The following CCSER1 variants were observed in gnomAD, a reference collection of about 807,000 sequenced individuals.
CCSER1 encodes serine-rich coiled-coil domain-containing protein 1.
Under a neutral mutation model 82.0 loss-of-function variants are expected in CCSER1, and 41 were observed. The observed-to-expected ratio is 0.50, with a 90% CI of 0.39 to 0.65. CCSER1 has a LOEUF of 0.65. CCSER1 is among the 30% of genes least tolerant of loss of function. The pLI, the probability that CCSER1 is intolerant of heterozygous loss-of-function variation, is 0.00. For missense variants in CCSER1, 1,119 were observed against 1,064.2 expected, an observed-to-expected ratio of 1.05 and a Z score of -0.72; for synonymous variants, 414 against 383.9, an observed-to-expected ratio of 1.08 and a Z score of -0.92.
intron 10 of CCSER1, among the ~76,000 whole-genome samples, chr4:91,181,322 C>T (rs1429915930): frequency 1.3e-5 from 2 of 152,202 alleles, no homozygotes; most frequent in African/African-American, 4.8e-5. Context: ...AAAGCACAAT[C>T]ATCATTGAAA....
At chr4:91,407,168 A>T (rs907554094) in intron 10 of CCSER1, among the ~76,000 whole-genome samples, 1 of 152,216 alleles carries the variant, frequency 6.6e-6, no homozygotes, top group Admixed American at 6.6e-5. Context: ...GACATACAAG[A>T]AAAATAAATA....
chr4:90,203,203 C>CT (rs1027288862), intron 1 of CCSER1, among the ~76,000 whole-genome samples: 3 of 151,904 alleles, frequency 2.0e-5, no homozygotes, highest in Admixed American at 2.0e-4. Context: ...ATGATTTTTT[C>CT]TTTTTTTATT....
At chr4:90,551,328 A>T (rs979671262) in intron 5 of CCSER1, among the ~76,000 whole-genome samples, 1 of 152,038 alleles carries the variant, frequency 6.6e-6, no homozygotes, top group African/African-American at 2.4e-5. Flanking sequence ...ACTCATGCAT[A>T]GTTTTTCTCC....
chr4:90,878,715 G>A (rs1720744807), intron 8 of CCSER1, among the ~76,000 whole-genome samples: 1 of 152,168 alleles, frequency 6.6e-6, no homozygotes. Context: ...AGATGCAAAT[G>A]TACTCTAGAA....
At chr4:90,959,450 A>G (rs1377615622) in intron 9 of CCSER1, among the ~76,000 whole-genome samples, 1 of 152,162 alleles carries the variant, frequency 6.6e-6, no homozygotes, top group African/African-American at 2.4e-5. Context: ...CTCAGGGAAG[A>G]TACATTTTCC....
chr4:91,500,179 A>G (rs756575889), intron 10 of CCSER1, among the ~76,000 whole-genome samples: 46 of 152,008 alleles, frequency 3.0e-4, no homozygotes, highest in Non-Finnish European at 5.4e-4. Flanking sequence ...TTAAGTGTGT[A>G]GTAGTATCTC....
At chr4:90,217,988 T>C (rs1047950826) in intron 1 of CCSER1, among the ~76,000 whole-genome samples, 1 of 151,814 alleles carries the variant, frequency 6.6e-6, no homozygotes, top group Non-Finnish European at 1.5e-5. Context: ...TGTATGTAGG[T>C]GGGGGTCTTA....
intron 10 of CCSER1, among the ~76,000 whole-genome samples, chr4:91,265,122 T>A (rs543629865): frequency 2.2e-4 from 34 of 152,148 alleles, no homozygotes; most frequent in African/African-American, 7.9e-4. Context: ...CAATAGCCAA[T>A]GACTTCAACT....
chr4:90,663,220 T>C (rs1731139736), intron 6 of CCSER1, among the ~76,000 whole-genome samples: 3 of 152,228 alleles, frequency 2.0e-5, no homozygotes, highest in Admixed American at 6.5e-5. Context: ...TTGGAAATTT[T>C]CTATACCTTG....
At chr4:91,032,386 G>T (rs189200848) in intron 9 of CCSER1, among the ~76,000 whole-genome samples, 37 of 152,176 alleles carry the variant, frequency 2.4e-4, no homozygotes, top group Admixed American at 2.3e-3. Flanking sequence ...AGTAGTCTAG[G>T]AAAACTAAGT....
chr4:90,954,973 T>C (rs1733285171), intron 9 of CCSER1, among the ~76,000 whole-genome samples: 1 of 152,198 alleles, frequency 6.6e-6, no homozygotes, highest in African/African-American at 2.4e-5. Context: ...CAGATACTTT[T>C]ATGCTTAGTG....
chr4:90,927,497 C>T (rs749133097), intron 9 of CCSER1, among the ~76,000 whole-genome samples: 17 of 151,920 alleles, frequency 1.1e-4, no homozygotes, highest in African/African-American at 2.2e-4. Flanking sequence ...TGTGGCATCA[C>T]GTATTTTGTC....
At chr4:91,552,621 T>A (rs557329983) in intron 10 of CCSER1, among the ~76,000 whole-genome samples, 1 of 151,744 alleles carries the variant, frequency 6.6e-6, no homozygotes, top group East Asian at 1.9e-4. Flanking sequence ...CACTGGAAGA[T>A]GTATAAGTGG....
chr4:90,230,118 G>A (rs892175733), intron 1 of CCSER1, among the ~76,000 whole-genome samples: 2 of 152,104 alleles, frequency 1.3e-5, no homozygotes, highest in African/African-American at 4.8e-5. Flanking sequence ...GCACCAAGCG[G>A]ACCTAATAGA....
At chr4:91,435,839 T>G (rs1253771387) in intron 10 of CCSER1, among the ~76,000 whole-genome samples, 1 of 152,204 alleles carries the variant, frequency 6.6e-6, no homozygotes, top group Non-Finnish European at 1.5e-5. Context: ...AGCCTATAAT[T>G]TGCTTTTTGT....
chr4:91,345,066 C>G (rs988184511), intron 10 of CCSER1, among the ~76,000 whole-genome samples: 4 of 152,104 alleles, frequency 2.6e-5, no homozygotes, highest in African/African-American at 9.7e-5. Context: ...GAAGGAAGCA[C>G]TTTCCTAACT....
At chr4:90,261,497 G>T (rs1724328520) in intron 1 of CCSER1, among the ~76,000 whole-genome samples, 1 of 152,100 alleles carries the variant, frequency 6.6e-6, no homozygotes, top group Admixed American at 6.5e-5. Flanking sequence ...TCCTCTGTGG[G>T]TTACCTGATG....
intron 10 of CCSER1, among the ~76,000 whole-genome samples, chr4:91,311,619 G>A (rs921424832): frequency 1.3e-5 from 2 of 151,838 alleles, no homozygotes; most frequent in Non-Finnish European, 2.9e-5. Flanking sequence ...ACCCTTAGTA[G>A]CTGTCTGTAT....
chr4:91,439,798 A>T (rs1229589463), intron 10 of CCSER1, among the ~76,000 whole-genome samples: 3 of 152,172 alleles, frequency 2.0e-5, no homozygotes, highest in African/African-American at 4.8e-5. Flanking sequence ...AACAAAAAAA[A>T]GGCAGGGGTT....
Sources: allele counts gnomAD v4.1 joint callset (sites outside exome capture counted in the v4.1 genomes callset), GRCh38; gene constraint gnomAD v4.1.1; transcripts MANE v1.5; gene names NCBI Gene and HGNC (gene_info 2026-07-23, HGNC 2026-07-21).